Variants in CSMD3 observed in about 807,000 individuals in gnomAD.
The protein encoded by CSMD3 is CUB and Sushi multiple domains 3.
A neutral mutation model predicts 435.2 loss-of-function variants in CSMD3; 177 were observed. The ratio of observed to expected loss-of-function variants is 0.41; its 90% CI spans 0.36 to 0.46. The LOEUF is 0.46. Ranked by LOEUF, CSMD3 falls within the 20% of genes least tolerant of loss-of-function variation. The pLI is 0.34. For missense variants in CSMD3, 4,265 were observed against 4,504.6 expected, an observed-to-expected ratio of 0.95 and a Z score of 1.52; for synonymous variants, 1,656 against 1,520.5, an observed-to-expected ratio of 1.09 and a Z score of -2.07.
chr8:112,429,217 C>T (rs151073440), intron 32 of CSMD3, among the ~76,000 whole-genome samples: 3 of 152,048 alleles, frequency 2.0e-5, no homozygotes, highest in African/African-American at 4.8e-5. Context: ...TACCTCAACC[C>T]CTGTTAACCA....
At chr8:112,398,066 C>G (rs1325932475) in intron 35 of CSMD3, among the ~76,000 whole-genome samples, 1 of 152,062 alleles carries the variant, frequency 6.6e-6, no homozygotes, top group South Asian at 2.1e-4. Context: ...GAGACAGGCA[C>G]GGGACAGATA....
rs750514526 is a variant in CSMD3, at chr8:112,383,635, T to C, written c.5963A>G (p.His1988Arg). Reference sequence around the variant, plus strand: ...ATAAAAGTCCAGAGAATCCCAATTATGTTCTGTAGCAAAGCTAACAACTTG... The same window carrying C: ...ATAAAAGTCCAGAGAATCCCAATTACGTTCTGTAGCAAAGCTAACAACTTG... ...QVQVVSFATEHNWDSLDFYDG... is the reference protein window; with the variant it reads ...QVQVVSFATERNWDSLDFYDG... The change falls in exon 37 of 71, where the codon CAT (histidine) becomes CGT (arginine). Residue 1988 changes from histidine to arginine, a missense_variant. Coordinates refer to ENST00000297405, the MANE Select transcript of CSMD3 (RefSeq NM_198123.2). 54 of 1,608,670 alleles carry C rather than the reference T, an allele frequency of 3.4e-5. 1 individual carries two copies. In the South Asian group the frequency reaches 5.6e-4, roughly 17 times the overall value.
chr8:112,283,862 A>G (rs1047239679), intron 58 of CSMD3, among the ~76,000 whole-genome samples: 15 of 151,842 alleles, frequency 9.9e-5, no homozygotes, highest in African/African-American at 3.4e-4. Flanking sequence ...ACAACAGTGT[A>G]TTGTACATTT....
At chr8:113,105,882 TA>T (rs34523132) in intron 4 of CSMD3, among the ~76,000 whole-genome samples, 101,939 of 150,618 alleles carry the variant, frequency 0.68, 35,906 homozygotes, top group East Asian at 0.95. Flanking sequence ...AATATACAGT[TA>T]AAAAAAAAAG....
intron 38 of CSMD3, among the ~76,000 whole-genome samples, chr8:112,376,948 C>T (rs1828998929): frequency 6.6e-6 from 1 of 152,046 alleles, no homozygotes; most frequent in Non-Finnish European, 1.5e-5. Context: ...AAACACTCAC[C>T]TAATTACATT....
chr8:112,739,275 C>T (rs2077251450), intron 13 of CSMD3, among the ~76,000 whole-genome samples: 1 of 151,384 alleles, frequency 6.6e-6, no homozygotes, highest in South Asian at 2.1e-4. Flanking sequence ...TTTTCTTGAG[C>T]TTTCATATAT....
chr8:112,619,232 T>C (rs1469040255), intron 22 of CSMD3, among the ~76,000 whole-genome samples: 1 of 152,060 alleles, frequency 6.6e-6, no homozygotes, highest in Non-Finnish European at 1.5e-5. Context: ...TGCTTATTGC[T>C]AATCACTGCT....
chr8:112,546,367 C>T (rs753415621), intron 27 of CSMD3, among the ~76,000 whole-genome samples: 52 of 152,092 alleles, frequency 3.4e-4, no homozygotes, highest in Non-Finnish European at 6.2e-4. Context: ...AGTGGCTAGT[C>T]GACTGTTAGA....
chr8:113,288,300 T>C (rs1451499492), intron 2 of CSMD3, among the ~76,000 whole-genome samples: 2 of 151,852 alleles, frequency 1.3e-5, no homozygotes, highest in African/African-American at 2.4e-5. Context: ...AAATGGATAT[T>C]GATAAAAATG....
intron 10 of CSMD3, among the ~76,000 whole-genome samples, chr8:112,895,972 A>G (rs1363077780): frequency 6.6e-6 from 1 of 151,496 alleles, no homozygotes; most frequent in African/African-American, 2.4e-5. Flanking sequence ...TTCCTTTCTC[A>G]ATAATGAAAT....
At position 113,147,033 on chromosome 8, in the gene CSMD3, A is replaced by G. The variant is rs2091691315; in HGVS notation, c.709+26689T>C. Among the ~76,000 whole-genome samples, 3 of 151,710 alleles carry G rather than the reference A, an allele frequency of 2.0e-5. No homozygotes were observed. The Admixed American group carries it at 2.0e-4, about 10-fold the overall frequency. ...TACTACTAGAATGTTTAACTATGTC[A>G]TGGAACTGAAATACAACATGCAACA... On this transcript the variant is annotated intron_variant, in intron 4 of 70. Transcript: ENST00000297405.
At chr8:112,283,535 C>T (rs1818874557) in intron 58 of CSMD3, among the ~76,000 whole-genome samples, 1 of 151,338 alleles carries the variant, frequency 6.6e-6, no homozygotes, top group African/African-American at 2.4e-5. Flanking sequence ...ATATTCTATG[C>T]TTTGTGTTAG....
chr8:113,150,202 T>C (rs147793511), intron 4 of CSMD3, among the ~76,000 whole-genome samples: 2 of 151,974 alleles, frequency 1.3e-5, no homozygotes, highest in East Asian at 1.9e-4. Flanking sequence ...CAATGGTATA[T>C]CACTTTTGTG....
chr8:113,106,475 A>G (rs1351767138), intron 4 of CSMD3, among the ~76,000 whole-genome samples: 1 of 152,246 alleles, frequency 6.6e-6, no homozygotes, highest in Non-Finnish European at 1.5e-5. Context: ...CCCCTATAGG[A>G]AAATACCAAA....
chr8:112,404,278 C>T (rs1345464321), intron 35 of CSMD3, among the ~76,000 whole-genome samples: 1 of 151,882 alleles, frequency 6.6e-6, no homozygotes, highest in Non-Finnish European at 1.5e-5. Flanking sequence ...ACCTATAATC[C>T]CAGCACTTTG....
chr8:112,876,771 G>A (rs2081294685), intron 10 of CSMD3, among the ~76,000 whole-genome samples: 2 of 152,106 alleles, frequency 1.3e-5, no homozygotes, highest in Non-Finnish European at 2.9e-5. Context: ...AATCAGGCAA[G>A]AGAAACAAAT....
intron 1 of CSMD3, among the ~76,000 whole-genome samples, chr8:113,410,636 T>C (rs899075775): frequency 2.0e-5 from 3 of 151,896 alleles, no homozygotes; most frequent in Non-Finnish European, 4.4e-5. Context: ...ATTATTTTCA[T>C]GTTTTTTATA....
At chr8:113,223,291 T>A (rs970442277) in intron 3 of CSMD3, among the ~76,000 whole-genome samples, 1 of 150,612 alleles carries the variant, frequency 6.6e-6, no homozygotes, top group Non-Finnish European at 1.5e-5. Flanking sequence ...TTAATTTTAA[T>A]CTAGCATAAT....
intron 1 of CSMD3, among the ~76,000 whole-genome samples, chr8:113,434,069 A>G (rs190257230): frequency 1.3e-5 from 2 of 152,298 alleles, no homozygotes; most frequent in East Asian, 1.9e-4. Flanking sequence ...GTTCAGGCCT[A>G]CCTAAGACCA....
Sources: gnomAD v4.1 joint callset for allele counts (sites outside exome capture counted in the v4.1 genomes callset) on GRCh38, gnomAD v4.1.1 for gene constraint, MANE v1.5 for transcripts, NCBI Gene and HGNC (gene_info 2026-07-23, HGNC 2026-07-21) for gene names.